The following MDGA2 variants were observed in gnomAD, a reference collection of about 807,000 sequenced individuals.
MDGA2 encodes MAM domain-containing glycosylphosphatidylinositol anchor protein 2.
A neutral mutation model predicts 117.8 loss-of-function variants in MDGA2; 40 were observed. The observed-to-expected ratio is 0.34, with a 90% confidence interval of 0.26 to 0.44. MDGA2 has a LOEUF of 0.44. Ranked by LOEUF, MDGA2 falls within the 20% of genes least tolerant of loss-of-function variation. The pLI, the probability that MDGA2 is intolerant of heterozygous loss-of-function variation, is 1.00. For synonymous variants in MDGA2, 452 were observed against 439.0 expected (o/e 1.03, Z -0.37); for missense variants, 1,123 against 1,250.6 (o/e 0.90, Z 1.54).
chr14:47,200,605 C>T, intron 3 of MDGA2: 2 of 1,232,140 alleles, frequency 1.6e-6, no homozygotes, highest in Non-Finnish European at 2.3e-6. Context: ...TCTTGAAGAC[C>T]TCTGTATATT....
chr14:47,295,940 A>AGATG (rs1889054457), intron 2 of MDGA2, among the ~76,000 whole-genome samples: 1 of 141,046 alleles, frequency 7.1e-6, no homozygotes, highest in African/African-American at 2.7e-5. Context: ...TAAGATAGAT[A>AGATG]GATAGATAGA....
chr14:47,203,704 C>A (rs1019645043), intron 3 of MDGA2, among the ~76,000 whole-genome samples: 1 of 151,898 alleles, frequency 6.6e-6, no homozygotes, highest in Non-Finnish European at 1.5e-5. Flanking sequence ...TTCAGAAACC[C>A]TAGGGGAAGA....
intron 3 of MDGA2, among the ~76,000 whole-genome samples, chr14:47,171,501 C>T (rs1304464264): frequency 1.3e-5 from 2 of 152,128 alleles, no homozygotes; most frequent in Admixed American, 1.3e-4. Flanking sequence ...TAGGATTCTT[C>T]TCAATTATTC....
intron 4 of MDGA2, among the ~76,000 whole-genome samples, chr14:47,140,076 G>T (rs1882653551): frequency 6.6e-6 from 1 of 151,684 alleles, no homozygotes; most frequent in African/African-American, 2.4e-5. Flanking sequence ...TGTTAAGAAG[G>T]CCTCTGCCAT....
chr14:47,076,759 A>G (rs539352910), intron 6 of MDGA2, among the ~76,000 whole-genome samples: 2 of 152,234 alleles, frequency 1.3e-5, no homozygotes, highest in African/African-American at 4.8e-5. Context: ...TTATAAAGCT[A>G]TTATTCAGAA....
rs568497568 is a variant in MDGA2 at position 47,429,472 on chromosome 14, C to G, written c.281-127922G>C. On this transcript the variant is annotated intron_variant, in intron 1 of 16. Transcript: ENST00000399232. Reference sequence around the variant, plus strand: ...TATTCATGGTCTGCAGACTTTCTGTCTTTTCCATGGCATTCTTCTCTCATA... The same window carrying G: ...TATTCATGGTCTGCAGACTTTCTGTGTTTTCCATGGCATTCTTCTCTCATA... Among the ~76,000 whole-genome samples, 10 of 152,180 alleles carry G rather than the reference C, an allele frequency of 6.6e-5. No individual in the cohort carries two copies. In the South Asian group the frequency reaches 2.1e-3, roughly 32 times the overall value.
chr14:47,492,127 T>G (rs1395983225), intron 1 of MDGA2, among the ~76,000 whole-genome samples: 3 of 152,158 alleles, frequency 2.0e-5, no homozygotes, highest in Admixed American at 2.0e-4. Flanking sequence ...GCTTCCTCAT[T>G]CCAAGAACCC....
intron 3 of MDGA2, among the ~76,000 whole-genome samples, chr14:47,162,714 C>T (rs1883695151): frequency 6.6e-6 from 1 of 152,072 alleles, no homozygotes; most frequent in South Asian, 2.1e-4. Context: ...GCTATATCCT[C>T]CAAGTCTTTC....
intron 14 of MDGA2, among the ~76,000 whole-genome samples, chr14:46,856,696 T>C (rs1881280673): frequency 1.3e-5 from 2 of 152,268 alleles, no homozygotes; most frequent in South Asian, 4.1e-4. Context: ...TACTTAAATA[T>C]ACCATCCTGT....
At chr14:47,026,179 T>C (rs1043882957) in intron 8 of MDGA2, among the ~76,000 whole-genome samples, 1 of 152,152 alleles carries the variant, frequency 6.6e-6, no homozygotes, top group African/African-American at 2.4e-5. Context: ...GCTAACAACA[T>C]ATAAGCTAAA....
At chr14:47,177,365 G>A (rs1349489901) in intron 3 of MDGA2, among the ~76,000 whole-genome samples, 8 of 152,018 alleles carry the variant, frequency 5.3e-5, no homozygotes, top group East Asian at 1.9e-4. Context: ...TGTTTACTGC[G>A]GCACTATTCA....
intron 1 of MDGA2, among the ~76,000 whole-genome samples, chr14:47,437,545 T>C (rs554249016): frequency 6.6e-6 from 1 of 152,156 alleles, no homozygotes. Flanking sequence ...CCTCATGTCT[T>C]GTACTCAAAT....
chr14:47,301,023 T>G (rs1282560841), intron 2 of MDGA2, among the ~76,000 whole-genome samples: 2 of 152,184 alleles, frequency 1.3e-5, no homozygotes, highest in African/African-American at 4.8e-5. Context: ...TACCTCTCGG[T>G]TGCAATTATG....
At chr14:46,909,467 A>T (rs1418845821) in intron 10 of MDGA2, among the ~76,000 whole-genome samples, 2 of 152,108 alleles carry the variant, frequency 1.3e-5, no homozygotes, top group African/African-American at 4.8e-5. Flanking sequence ...TGTCCCTTTC[A>T]AAAGGAGAAA....
chr14:47,488,580 G>A (rs974362910), intron 1 of MDGA2, among the ~76,000 whole-genome samples: 21 of 152,048 alleles, frequency 1.4e-4, no homozygotes, highest in African/African-American at 5.1e-4. Context: ...TGAAAAATGA[G>A]CATAAGCAAG....
chr14:47,078,141 C>T (rs998451051), intron 6 of MDGA2, among the ~76,000 whole-genome samples: 1 of 151,960 alleles, frequency 6.6e-6, no homozygotes, highest in East Asian at 1.9e-4. Flanking sequence ...AACATCAGAC[C>T]ACAATGTCTG....
intron 1 of MDGA2, among the ~76,000 whole-genome samples, chr14:47,352,253 G>A (rs766561677): frequency 2.0e-5 from 3 of 151,998 alleles, no homozygotes; most frequent in African/African-American, 4.8e-5. Flanking sequence ...CTTCCTCATC[G>A]GTTACCTATC....
intron 8 of MDGA2, among the ~76,000 whole-genome samples, chr14:47,018,321 A>C (rs1362565268): frequency 2.0e-5 from 3 of 152,264 alleles, no homozygotes; most frequent in Admixed American, 2.0e-4. Flanking sequence ...GATAAAGAGA[A>C]GTAAAGATCT....
At chr14:47,645,973 G>T (rs546127233) in intron 1 of MDGA2, among the ~76,000 whole-genome samples, 11 of 151,438 alleles carry the variant, frequency 7.3e-5, no homozygotes, top group South Asian at 6.3e-4. Flanking sequence ...CCATCTACTT[G>T]GGAGGCTGAG....
Sources: allele counts gnomAD v4.1 joint callset (sites outside exome capture counted in the v4.1 genomes callset), GRCh38; gene constraint gnomAD v4.1.1; transcripts MANE v1.5; gene names NCBI Gene and HGNC (gene_info 2026-07-23, HGNC 2026-07-21).